The following PHC2 variants were observed in gnomAD, a reference collection of about 807,000 sequenced individuals.
The protein encoded by PHC2 is polyhomeotic homolog 2.
PHC2 carries 29 observed loss-of-function variants against 87.4 expected under a neutral mutation model. The observed-to-expected ratio is 0.33, with a 90% CI of 0.25 to 0.45. The LOEUF (loss-of-function observed/expected upper bound fraction) is 0.45. PHC2 is among the 20% of genes least tolerant of loss of function. The pLI is 1.00. For synonymous variants in PHC2, 438 were observed against 461.7 expected, an observed-to-expected ratio of 0.95 and a Z score of 0.66; for missense variants, 857 against 1,136.7, an observed-to-expected ratio of 0.75 and a Z score of 3.54.
chr1:33,412,697 G>A (rs554873862), intron 1 of PHC2, among the ~76,000 whole-genome samples: 3 of 152,224 alleles, frequency 2.0e-5, no homozygotes, highest in East Asian at 1.9e-4. Flanking sequence ...TCTCAAGTTC[G>A]GTGCAACTTA....
intron 1 of PHC2, among the ~76,000 whole-genome samples, chr1:33,405,679 C>T (rs890384504): frequency 1.3e-5 from 2 of 152,112 alleles, no homozygotes; most frequent in Admixed American, 6.5e-5. Flanking sequence ...TTCCTCTAAG[C>T]TCAGCTTTAT....
Position 33,349,029 on chromosome 1 carries a change from AAAG to A in PHC2, c.1558+5369_1558+5371del. ...ATCTCACAAATCCCGATTTTAATGT[AAAG>A]AAGCAACAAATATAGTCTACCTTCA... is the stretch of plus-strand genomic sequence containing the variant. On this transcript the variant is annotated intron_variant, in intron 9 of 14. Coordinates refer to ENST00000683057, the MANE Select transcript of PHC2 (RefSeq NM_001385109.1). This position sits in a 1 kb window ranked among gnomAD's most constrained non-coding sequence, Gnocchi z 4.2. The A allele has an allele frequency of 1.0e-6, 1 of 967,950 alleles. No individual in the cohort carries two copies. The highest frequency in any genetic ancestry group is 1.8e-5 in the African/African-American group (1 of 56,972). The allele number at this position is 967,950 out of a possible 1,614,324, so 60.0% of individuals were successfully genotyped here.
intron 1 of PHC2, among the ~76,000 whole-genome samples, chr1:33,389,072 A>AAAAAG (rs1557842859): frequency 6.9e-6 from 1 of 145,214 alleles, no homozygotes; most frequent in African/African-American, 2.5e-5. Context: ...AAAAAAAAAA[A>AAAAAG]AAAGAAAGAA....
At chr1:33,418,664 C>CA (rs879268589) in intron 1 of PHC2, among the ~76,000 whole-genome samples, 29 of 151,276 alleles carry the variant, frequency 1.9e-4, no homozygotes, top group African/African-American at 4.4e-4. Flanking sequence ...ATTAAATATT[C>CA]AAAAAAAAGA....
intron 1 of PHC2, among the ~76,000 whole-genome samples, chr1:33,388,804 C>T (rs1468253955): frequency 5.3e-5 from 8 of 152,124 alleles, no homozygotes; most frequent in African/African-American, 1.7e-4. Context: ...TTACATGAGG[C>T]AGCAGGTTCT....
intron 1 of PHC2, among the ~76,000 whole-genome samples, chr1:33,381,782 A>G (rs1648506101): frequency 6.6e-6 from 1 of 151,862 alleles, no homozygotes; most frequent in Non-Finnish European, 1.5e-5. Flanking sequence ...ATTAATGTCC[A>G]TTTATACTTA....
At chr1:33,363,647 A>G (rs1647267756) in intron 7 of PHC2, 2 of 603,198 alleles carry the variant, frequency 3.3e-6, no homozygotes, top group African/African-American at 2.0e-5. Context: ...TGGAGGCCCA[A>G]CTGGGTGAAA....
chr1:33,394,298 A>G (rs1403043749), intron 1 of PHC2, among the ~76,000 whole-genome samples: 1 of 152,146 alleles, frequency 6.6e-6, no homozygotes, highest in Non-Finnish European at 1.5e-5. Flanking sequence ...ATAGCAGCAA[A>G]AGAAAAAAAA....
chr1:33,324,314 AGGCAC>A lies in PHC2; in HGVS notation c.*546_*550del, dbSNP rs149464849. The A allele has an allele frequency of 6.5e-6, 1 of 153,190 alleles. No homozygotes were observed. The highest frequency in any genetic ancestry group is 1.9e-4 in the East Asian group (1 of 5,174). 9.5% of individuals were successfully genotyped at this position (153,190 alleles called of 1,614,324 possible). On this transcript the variant is annotated 3_prime_UTR_variant, in exon 15 of 15. Transcript: ENST00000683057. ...ACAGCGTTAAGGCGTCTGTGCCAGC[AGGCAC>A]GGCCCGGCTGGGCCCAGCTTCTCTC... is the stretch of plus-strand genomic sequence containing the variant.
At chr1:33,418,877 T>C (rs944244067) in intron 1 of PHC2, among the ~76,000 whole-genome samples, 4 of 152,154 alleles carry the variant, frequency 2.6e-5, no homozygotes, top group East Asian at 1.9e-4. Flanking sequence ...GGCTAGAAGA[T>C]TGAAAAGACT....
At chr1:33,328,391 T>TTTG (rs1316296599) in intron 14 of PHC2, among the ~76,000 whole-genome samples, 1 of 150,694 alleles carries the variant, frequency 6.6e-6, no homozygotes, top group African/African-American at 2.4e-5. Flanking sequence ...TTTTTTTTTT[T>TTTG]TTTTTGGTAG....
At chr1:33,407,194 T>A (rs767904784) in intron 1 of PHC2, among the ~76,000 whole-genome samples, 22 of 152,238 alleles carry the variant, frequency 1.4e-4, no homozygotes, top group Non-Finnish European at 3.1e-4. Context: ...AATCTCTTTA[T>A]ACATAGTCAG....
Position 33,346,779 on chromosome 1 carries a change from G to A in PHC2, c.1558+7622C>T, listed in dbSNP as rs930264736. On this transcript the variant is annotated intron_variant, in intron 9 of 14. Coordinates refer to ENST00000683057, the MANE Select transcript of PHC2 (RefSeq NM_001385109.1). ...GGTCCACAGCCTAAAGGAGGACAGA[G>A]ACTTAAGGGAAGAGTTTAAGGCAGT... The A allele has an allele frequency of 5.1e-6, 5 of 985,358 alleles. No individual in the cohort carries two copies. The African/African-American group carries it at 5.2e-5, about 10-fold the overall frequency. The allele number at this position is 985,358 out of a possible 1,614,324, so 61.0% of individuals were successfully genotyped here. A position where few individuals can be genotyped will look rare whatever the true frequency, so the allele number is the denominator to read the frequency against.
intron 1 of PHC2, among the ~76,000 whole-genome samples, chr1:33,427,679 A>G (rs1284544052): frequency 6.6e-6 from 1 of 152,180 alleles, no homozygotes; most frequent in Non-Finnish European, 1.5e-5. Context: ...TACAATTTCA[A>G]ACTGCTGACG....
At chr1:33,383,592 CT>C (rs1648594681) in intron 1 of PHC2, among the ~76,000 whole-genome samples, 1 of 152,170 alleles carries the variant, frequency 6.6e-6, no homozygotes, top group Non-Finnish European at 1.5e-5. Context: ...GATTTGCTGT[CT>C]TTTGGAAGGG....
At chr1:33,404,379 C>A (rs1279399824) in intron 1 of PHC2, among the ~76,000 whole-genome samples, 1 of 152,108 alleles carries the variant, frequency 6.6e-6, no homozygotes, top group African/African-American at 2.4e-5. Flanking sequence ...CCCCACATCA[C>A]CTGGTAATTT....
intron 1 of PHC2, among the ~76,000 whole-genome samples, chr1:33,410,147 C>A (rs911150880): frequency 6.6e-6 from 1 of 152,168 alleles, no homozygotes; most frequent in Non-Finnish European, 1.5e-5. Flanking sequence ...CTGGAATTTC[C>A]AGGAAAAACA....
rs1009402066 is a variant in PHC2, at chr1:33,349,112, A to C, written c.1558+5289T>G. On this transcript the variant is annotated intron_variant, in intron 9 of 14. Coordinates refer to ENST00000683057, the MANE Select transcript of PHC2 (RefSeq NM_001385109.1). This position sits in a 1 kb window ranked among gnomAD's most constrained non-coding sequence, Gnocchi z 4.2. ...TCTAAAAATGGAAGAAAAGACACAG[A>C]ACAGCTTGTCCCTTTCCATCCAATT... The C allele has an allele frequency of 6.1e-6, 6 of 985,220 alleles. No homozygotes were observed. Among genetic ancestry groups the C allele is most frequent in the Middle Eastern group, 5.2e-4 (1 of 1,936 alleles). The allele number at this position is 985,220 out of a possible 1,614,324, so 61.0% of individuals were successfully genotyped here.
intron 8 of PHC2, 22 bp from the exon 9 acceptor site, chr1:33,354,588 AG>A: frequency 6.2e-7 from 1 of 1,601,914 alleles, no homozygotes; most frequent in Non-Finnish European, 8.5e-7. Context: ...CAGGACAGAG[AG>A]GGGGGCCTCT....
Sources: gnomAD v4.1 joint callset for allele counts (sites outside exome capture counted in the v4.1 genomes callset) on GRCh38, gnomAD v4.1.1 for gene constraint, Gnocchi (gnomAD v3.1) non-coding constraint, MANE v1.5 for transcripts, NCBI Gene and HGNC (gene_info 2026-07-23, HGNC 2026-07-21) for gene names.